The following TMEM120B variants were observed in gnomAD, a reference collection of about 807,000 sequenced individuals.
TMEM120B encodes the protein transmembrane protein 120B.
Under a neutral mutation model 55.5 loss-of-function variants are expected in TMEM120B, and 31 were observed. The observed-to-expected ratio is 0.56, with a 90% confidence interval of 0.42 to 0.75. The LOEUF is 0.75. TMEM120B is among the 30% of genes least tolerant of loss of function. The probability of loss-of-function intolerance (pLI) is 0.00; values close to 1 mark genes in which losing one functional copy is unlikely to be tolerated. For missense variants in TMEM120B, 399 were observed against 425.5 expected (o/e 0.94, Z 0.55); for synonymous variants, 203 against 176.3 (o/e 1.15, Z -1.20).
At chr12:121,729,127 G>A (rs1170194668) in intron 1 of TMEM120B, among the ~76,000 whole-genome samples, 1 of 152,220 alleles carries the variant, frequency 6.6e-6, no homozygotes, top group African/African-American at 2.4e-5. Context: ...AAAAAACTAT[G>A]GGGATGTTAA....
chr12:121,723,718 A>G (rs999973188), intron 1 of TMEM120B, among the ~76,000 whole-genome samples: 3 of 152,108 alleles, frequency 2.0e-5, no homozygotes, highest in Non-Finnish European at 2.9e-5. Flanking sequence ...AATTACCACA[A>G]TCTACCTCTT....
chr12:121,775,516 G>A lies in TMEM120B; in HGVS notation c.907-93G>A, dbSNP rs760754643. 1.5e-5 allele frequency: 22 copies of A among 1,503,574 alleles called. No individual in the cohort carries two copies. The highest frequency in any genetic ancestry group is 1.9e-5 in the Non-Finnish European group (21 of 1,130,190). 93.1% of individuals were successfully genotyped at this position (1,503,574 alleles called of 1,614,324 possible). ...GCAAAACCCTGCAGTTTGGGAGTTT[G>A]GGGGCAGCTGTGCTGGAGATTCTGG... On this transcript the variant is annotated intron_variant, in intron 11 of 11. Transcript: ENST00000449592. This position sits in a 1 kb window ranked among gnomAD's most constrained non-coding sequence, Gnocchi z 4.3.
chr12:121,750,209 GGTTA>G (rs371632127), intron 3 of TMEM120B, among the ~76,000 whole-genome samples, 167 bp from the exon 4 acceptor site: 1 of 151,820 alleles, frequency 6.6e-6, no homozygotes. Context: ...AATGTCCTTT[GGTTA>G]GTTGTCATTC....
chr12:121,731,991 G>A (rs11836435), intron 1 of TMEM120B, among the ~76,000 whole-genome samples: 1 of 152,106 alleles, frequency 6.6e-6, no homozygotes. Flanking sequence ...ACAAAAATTA[G>A]CTGGGCGTGG....
chr12:121,776,927 A>G lies in TMEM120B; in HGVS notation c.*1205A>G, dbSNP rs1344699343. ...CTCAGCCTCTGGAGTAGCTGGGACC[A>G]CAATCACACACCACCATGCCCTGCT... is the stretch of plus-strand genomic sequence containing the variant. On this transcript the variant is annotated 3_prime_UTR_variant, in exon 12 of 12. Transcript: ENST00000449592. The G allele has an allele frequency of 2.0e-5, 3 of 149,522 alleles. No homozygotes were observed. The highest frequency in any genetic ancestry group is 4.4e-5 in the Non-Finnish European group (3 of 67,698). 9.3% of individuals were successfully genotyped at this position (149,522 alleles called of 1,614,324 possible).
chr12:121,725,957 A>G (rs1894880446), intron 1 of TMEM120B, among the ~76,000 whole-genome samples: 1 of 151,192 alleles, frequency 6.6e-6, no homozygotes, highest in African/African-American at 2.4e-5. Flanking sequence ...GAATGGCTTG[A>G]ACCTGAGAGG....
At chr12:121,746,977 A>C (rs978223454) in intron 2 of TMEM120B, among the ~76,000 whole-genome samples, 4 of 152,186 alleles carry the variant, frequency 2.6e-5, no homozygotes, top group African/African-American at 4.8e-5. Flanking sequence ...AAGAAAAGAA[A>C]AGAAAAATGA....
In TMEM120B at chr12:121,781,377, C is replaced by T. The variant is rs1005419932; in HGVS notation, c.*5655C>T. On this transcript the variant is annotated 3_prime_UTR_variant, in exon 12 of 12. Transcript: ENST00000449592. ...TCGCAGCTACTCGGGAGGCTGAGGCCGGAGGATCGCTTGAGCCCAGGAGGT... is the reference window on the plus strand; with the variant it reads ...TCGCAGCTACTCGGGAGGCTGAGGCTGGAGGATCGCTTGAGCCCAGGAGGT... 1.6e-5 allele frequency: 9 copies of T among 577,930 alleles called. No individual in the cohort carries two copies. Among genetic ancestry groups the T allele is most frequent in the South Asian group, 4.0e-5 (2 of 50,214 alleles). The allele number at this position is 577,930 out of a possible 1,614,324, so 35.8% of individuals were successfully genotyped here.
intron 1 of TMEM120B, among the ~76,000 whole-genome samples, chr12:121,740,282 C>T (rs9668439): frequency 6.6e-5 from 10 of 151,694 alleles, no homozygotes; most frequent in African/African-American, 1.9e-4. Context: ...TTTGGGAGTT[C>T]GAGACCAGCC....
chr12:121,781,444 C>T lies in TMEM120B; in HGVS notation c.*5722C>T, dbSNP rs1874454335. The stretch of plus-strand genomic sequence containing the variant: ...CGTGATCATGCCACTGCACTCCAGC[C>T]TGGGTGACAGAGCGAGACCCTGTCT... On this transcript the variant is annotated 3_prime_UTR_variant, in exon 12 of 12. Coordinates refer to ENST00000449592, the MANE Select transcript of TMEM120B (RefSeq NM_001080825.2). The T allele has an allele frequency of 1.1e-5, 5 of 452,274 alleles. No homozygotes were observed. The East Asian group carries it at 2.2e-4, about 20-fold the overall frequency. 28.0% of individuals were successfully genotyped at this position (452,274 alleles called of 1,614,324 possible). A position where few individuals can be genotyped will look rare whatever the true frequency, so the allele number is the denominator to read the frequency against.
Position 121,779,295 on chromosome 12 carries a change from C to T in TMEM120B, c.*3573C>T. ...CTGGCTCCTGCACCCACATCACCAC[C>T]ATGTCCCAGGGGCAGCCTGGAGGGG... is the stretch of plus-strand genomic sequence containing the variant. On this transcript the variant is annotated 3_prime_UTR_variant, in exon 12 of 12. Transcript: ENST00000449592. The T allele has an allele frequency of 3.3e-6, 2 of 615,058 alleles. No homozygotes were observed. The highest frequency in any genetic ancestry group is 4.1e-5 in the South Asian group (2 of 49,336). 38.1% of individuals were successfully genotyped at this position (615,058 alleles called of 1,614,324 possible).
intron 9 of TMEM120B, among the ~76,000 whole-genome samples, chr12:121,774,364 T>C (rs149078498): frequency 0.018 from 2,680 of 152,224 alleles, 33 homozygotes; most frequent in Admixed American, 0.031. Flanking sequence ...CATTATAAAA[T>C]GCAAAACCCT....
Position 121,779,392 on chromosome 12 carries a change from C to T in TMEM120B, c.*3670C>T. ...GTTCCAAGAGTCTAGCCGCAGGCCC[C>T]AGACACCATGAGCTGGAGGGTCGGG... On this transcript the variant is annotated 3_prime_UTR_variant, in exon 12 of 12. Coordinates refer to ENST00000449592, the MANE Select transcript of TMEM120B (RefSeq NM_001080825.2). The T allele has an allele frequency of 8.0e-7, 1 of 1,253,792 alleles. No homozygotes were observed. The highest frequency in any genetic ancestry group is 2.4e-5 in the East Asian group (1 of 41,928). 77.7% of individuals were successfully genotyped at this position (1,253,792 alleles called of 1,614,324 possible).
At chr12:121,772,759 G>C (rs1874107132) in intron 8 of TMEM120B, among the ~76,000 whole-genome samples, 1 of 152,184 alleles carries the variant, frequency 6.6e-6, no homozygotes, top group African/African-American at 2.4e-5. Context: ...TACATTTTAA[G>C]TTAAAACCTG....
intron 6 of TMEM120B, among the ~76,000 whole-genome samples, chr12:121,769,158 A>G (rs1423980687): frequency 1.8e-5 from 2 of 112,960 alleles, no homozygotes; most frequent in Admixed American, 1.8e-4. Context: ...AAAAAAAAAA[A>G]AGGCAAAAAA....
chr12:121,748,341 C>T lies in TMEM120B; in HGVS notation c.204C>T (p.Ala68=), dbSNP rs115793828. ...CTGTCCGCAGGTGCAAACGCCATGCCAGTCGGGAGGAGGCGGAGCTCGTTC... is the reference window on the plus strand; with the variant it reads ...CTGTCCGCAGGTGCAAACGCCATGCTAGTCGGGAGGAGGCGGAGCTCGTTC... The part of the protein sequence containing the change: ...KLTLQRCKRH[A]SREEAELVQQ... Residue 68 remains alanine (A), a synonymous_variant, in exon 3 of 12, where the codon GCC becomes GCT. Transcript: ENST00000449592. 24 of 1,610,408 alleles carry T rather than the reference C, an allele frequency of 1.5e-5. No individual in the cohort carries two copies. Among genetic ancestry groups the T allele is most frequent in the African/African-American group, 1.3e-4 (10 of 74,848 alleles).
At chr12:121,742,334 T>G (rs962257962) in intron 1 of TMEM120B, among the ~76,000 whole-genome samples, 1 of 152,098 alleles carries the variant, frequency 6.6e-6, no homozygotes, top group Admixed American at 6.6e-5. Flanking sequence ...GTGCCTTGCT[T>G]GGCAGGCAGG....
rs780516398 is a variant in TMEM120B, at chr12:121,773,368, C to T, written c.680-53C>T. On this transcript the variant is annotated intron_variant, in intron 8 of 11. Transcript: ENST00000449592. ...GTGCTTGGGGCAGAGAGGTGTGGCC[C>T]TGTCTTCCGGGGACACCAGGCCCTG... 169 of 1,530,248 alleles carry T rather than the reference C, an allele frequency of 1.1e-4. 2 individuals are homozygous for T. In the South Asian group the frequency reaches 1.5e-3, roughly 14 times the overall value. 94.8% of individuals were successfully genotyped at this position (1,530,248 alleles called of 1,614,324 possible).
chr12:121,771,850 A>G (rs1412168466), intron 8 of TMEM120B, among the ~76,000 whole-genome samples: 1 of 152,116 alleles, frequency 6.6e-6, no homozygotes, highest in Middle Eastern at 3.2e-3. Flanking sequence ...AGTCCTCCAA[A>G]TGGAAATATA....
Sources: allele counts gnomAD v4.1 joint callset (sites outside exome capture counted in the v4.1 genomes callset), GRCh38; gene constraint gnomAD v4.1.1; non-coding constraint Gnocchi (gnomAD v3.1); transcripts MANE v1.5; gene names NCBI Gene and HGNC (gene_info 2026-07-23, HGNC 2026-07-21).